DOCK2: variants seen among roughly 807,000 people sequenced by gnomAD.
DOCK2 encodes the protein dedicator of cytokinesis protein 2.
DOCK2 carries 87 observed loss-of-function variants against 248.9 expected under a neutral mutation model. The observed-to-expected ratio is 0.35, with a 90% CI of 0.29 to 0.42. The LOEUF is 0.42. DOCK2 is among the 10% of genes least tolerant of loss of function. DOCK2 has a pLI of 1.00. For synonymous variants in DOCK2, 805 were observed against 821.6 expected (o/e 0.98, Z 0.35); for missense variants, 1,747 against 2,300.2 (o/e 0.76, Z 4.92).
chr5:169,654,425 C>A lies in DOCK2; in HGVS notation c.66C>A (p.Ser22Arg). The A allele has an allele frequency of 6.2e-7, 1 of 1,614,058 alleles. No homozygotes were observed. Among genetic ancestry groups the A allele is most frequent in the Non-Finnish European group, 8.5e-7 (1 of 1,180,006 alleles). Reference protein sequence around the residue: ...HGVAIYNFQGSGAPQLSLQIG... With the variant: ...HGVAIYNFQGRGAPQLSLQIG... ...CAGCCATATACAACTTCCAAGGCAG[C>A]GGAGCCCCCCAGCTCTCCCTGCAGA... Residue 22 changes from serine to arginine, a missense_variant, in exon 2 of 52, where the codon AGC becomes AGA. By Grantham distance (110) the Ser-to-Arg change is moderately radical. Around this residue, in one of 4 missense-constraint regions of DOCK2, gnomAD observed 375 missense variants for 510.9 expected, o/e 0.73. Coordinates refer to ENST00000520908, the MANE Select transcript of DOCK2 (RefSeq NM_004946.3).
At chr5:169,875,929 G>A (rs1772304912) in intron 27 of DOCK2, 1 of 152,192 alleles carries the variant, frequency 6.6e-6, no homozygotes, top group African/African-American at 2.4e-5. Context: ...CAAATTTAAT[G>A]GCTTAAAACA....
Position 169,717,375 on chromosome 5 carries a change from C to G in DOCK2, c.2032-9C>G. 6.2e-7 allele frequency: 1 copy of G among 1,612,824 alleles called. No individual in the cohort carries two copies. Among genetic ancestry groups the G allele is most frequent in the Non-Finnish European group, 8.5e-7 (1 of 1,178,904 alleles). ...CCCTGAAAATACTGCTGCCTTGCATCTTCCTCAGATTTACATAATAGGACT... is the reference window on the plus strand; with the variant it reads ...CCCTGAAAATACTGCTGCCTTGCATGTTCCTCAGATTTACATAATAGGACT... On this transcript the variant is annotated splice_polypyrimidine_tract_variant and intron_variant, in intron 20 of 51. Transcript: ENST00000520908.
intron 26 of DOCK2, among the ~76,000 whole-genome samples, chr5:169,804,498 G>GCA: frequency 3.9e-5 from 1 of 25,346 alleles, no homozygotes; most frequent in African/African-American, 5.3e-5. Context: ...GCGCGCGCGT[G>GCA]CGCGTAAGCA....
rs1263480395 is a variant in DOCK2, at chr5:169,879,286, A to C, written c.2799+38434A>C. On this transcript the variant is annotated intron_variant, in intron 27 of 51. Transcript: ENST00000520908. Reference sequence around the variant, plus strand: ...GGCTTAACAAGGCCTGGGGATGAGTATTTCACATCACTTATTCATTCGTTT... The same window carrying C: ...GGCTTAACAAGGCCTGGGGATGAGTCTTTCACATCACTTATTCATTCGTTT... Among the ~76,000 whole-genome samples, 223 of 152,310 alleles carry C rather than the reference A, an allele frequency of 1.5e-3. 1 individual carries two copies. Among genetic ancestry groups the C allele is most frequent in the African/African-American group, 4.7e-3 (195 of 41,570 alleles).
intron 22 of DOCK2, among the ~76,000 whole-genome samples, chr5:169,728,681 C>T (rs1762613409): frequency 6.6e-6 from 1 of 152,174 alleles, no homozygotes; most frequent in Admixed American, 6.5e-5. Flanking sequence ...GCCATCAGAG[C>T]AAGGGGTCAA....
chr5:169,686,975 G>T (rs1333289528), intron 8 of DOCK2, among the ~76,000 whole-genome samples: 1 of 152,086 alleles, frequency 6.6e-6, no homozygotes, highest in African/African-American at 2.4e-5. Flanking sequence ...ACATGTCTTG[G>T]TGCTGTGAGC....
chr5:169,654,536 C>A, intron 2 of DOCK2, 50 bp downstream of exon 2: 1 of 1,598,066 alleles, frequency 6.3e-7, no homozygotes, highest in East Asian at 2.2e-5. Context: ...CTGATGGAAG[C>A]CTATAGTACA....
At chr5:169,964,249 G>A (rs536561387) in intron 27 of DOCK2, among the ~76,000 whole-genome samples, 61 of 152,232 alleles carry the variant, frequency 4.0e-4, no homozygotes, top group Middle Eastern at 6.8e-3. Flanking sequence ...TCTTAGCCTG[G>A]AGTTCAGGAC....
At chr5:169,886,445 A>C (rs558271213) in intron 27 of DOCK2, among the ~76,000 whole-genome samples, 10 of 152,354 alleles carry the variant, frequency 6.6e-5, no homozygotes, top group Admixed American at 6.5e-4. Context: ...TCCTCAGTCC[A>C]TGACTAAATC....
At chr5:169,921,669 A>C (rs1775179638) in intron 27 of DOCK2, among the ~76,000 whole-genome samples, 2 of 152,314 alleles carry the variant, frequency 1.3e-5, no homozygotes, top group Middle Eastern at 6.8e-3. Flanking sequence ...AGAGCTGTGG[A>C]GAGGAGCACT....
intron 26 of DOCK2, among the ~76,000 whole-genome samples, chr5:169,835,982 A>G (rs1769556405): frequency 6.6e-6 from 1 of 152,034 alleles, no homozygotes; most frequent in South Asian, 2.1e-4. Context: ...TCTTGAACTC[A>G]TGGGCTCATG....
At chr5:169,930,808 T>C (rs1435206729) in intron 27 of DOCK2, among the ~76,000 whole-genome samples, 1 of 152,194 alleles carries the variant, frequency 6.6e-6, no homozygotes, top group African/African-American at 2.4e-5. Flanking sequence ...TCTCTCTTGG[T>C]TTCTTTTCTT....
intron 33 of DOCK2, among the ~76,000 whole-genome samples, chr5:170,025,937 G>A (rs566735053): frequency 2.6e-5 from 4 of 151,068 alleles, no homozygotes; most frequent in South Asian, 2.1e-4. Flanking sequence ...TTCCCACCTC[G>A]ACAGCTTTGC....
intron 27 of DOCK2, among the ~76,000 whole-genome samples, chr5:169,920,428 G>A (rs1775112325): frequency 6.6e-6 from 1 of 152,140 alleles, no homozygotes; most frequent in East Asian, 1.9e-4. Flanking sequence ...GAAAGTAGGT[G>A]GATTTGGCAA....
At chr5:170,062,592 C>T (rs973279947) in intron 44 of DOCK2, among the ~76,000 whole-genome samples, 9 of 152,016 alleles carry the variant, frequency 5.9e-5, no homozygotes, top group Non-Finnish European at 1.2e-4. Context: ...TTCTAAGGTT[C>T]CCCAGGAGGG....
chr5:169,666,265 C>G (rs1758726432), intron 2 of DOCK2, among the ~76,000 whole-genome samples: 1 of 152,148 alleles, frequency 6.6e-6, no homozygotes, highest in South Asian at 2.1e-4. Flanking sequence ...TTCTCATGAC[C>G]TAATTACCTC....
Position 170,035,104 on chromosome 5 carries a change from G to A in DOCK2, c.3624+549G>A, listed in dbSNP as rs549759680. Among the ~76,000 whole-genome samples, 4 of 152,292 alleles carry A rather than the reference G, an allele frequency of 2.6e-5. No homozygotes were observed. The East Asian group carries it at 7.7e-4, about 29-fold the overall frequency. ...ACTATGAACCAGGTTAACCAGAGAA[G>A]CTAACCCCAGACCCAAGTTCTTAAC... On this transcript the variant is annotated intron_variant, in intron 35 of 51. Transcript: ENST00000520908.
At chr5:169,643,268 A>G (rs934536343) in intron 1 of DOCK2, among the ~76,000 whole-genome samples, 3 of 152,166 alleles carry the variant, frequency 2.0e-5, no homozygotes, top group African/African-American at 7.2e-5. Flanking sequence ...ATGGTGGCAG[A>G]AACTGAGGCT....
intron 27 of DOCK2, among the ~76,000 whole-genome samples, chr5:169,976,387 A>G (rs945420674): frequency 1.3e-5 from 2 of 152,170 alleles, no homozygotes; most frequent in Non-Finnish European, 2.9e-5. Flanking sequence ...AATGAGCATG[A>G]AGCTGACCTC....
Sources: allele counts gnomAD v4.1 joint callset (sites outside exome capture counted in the v4.1 genomes callset), GRCh38; gene constraint gnomAD v4.1.1; regional missense constraint gnomAD v4.1.1; transcripts MANE v1.5; gene names NCBI Gene and HGNC (gene_info 2026-07-23, HGNC 2026-07-21).